Variants in CD1B observed in about 807,000 individuals in gnomAD.
CD1B encodes the protein CD1b molecule, also known as T-cell surface glycoprotein CD1b.
Under a neutral mutation model 39.8 loss-of-function variants are expected in CD1B, and 43 were observed. The observed-to-expected ratio is 1.08, with a 90% CI of 0.85 to 1.39. The LOEUF is 1.39. CD1B is among the 40% of genes most tolerant of loss of function. CD1B has a pLI of 0.00. For missense variants in CD1B, 495 were observed against 403.8 expected, an observed-to-expected ratio of 1.23 and a Z score of -1.94; for synonymous variants, 192 against 152.5, an observed-to-expected ratio of 1.26 and a Z score of -1.91.
the CD1B span, chr1:158,291,240 T>C: frequency 6.2e-7 from 1 of 1,614,178 alleles, no homozygotes; most frequent in African/African-American, 1.3e-5. Context: ...TGCAGACTCA[T>C]GGCTGGGACA....
At chr1:158,296,468 C>T in the CD1B span, among the ~76,000 whole-genome samples, 3 of 152,160 alleles carry the variant, frequency 2.0e-5, no homozygotes, top group Admixed American at 2.0e-4. Context: ...CAACTTTAAA[C>T]GTTTAAGGAA....
chr1:158,321,193 G>C, the CD1B span, among the ~76,000 whole-genome samples: 2 of 152,006 alleles, frequency 1.3e-5, no homozygotes, highest in Non-Finnish European at 2.9e-5. Context: ...TCAATTGTTG[G>C]GTACATGCAT....
At chr1:158,302,651 T>A in the CD1B span, among the ~76,000 whole-genome samples, 1 of 152,168 alleles carries the variant, frequency 6.6e-6, no homozygotes, top group African/African-American at 2.4e-5. Flanking sequence ...GATACTGTTA[T>A]GAACACCTCT....
Position 158,331,381 on chromosome 1 carries a change from C to T in CD1B, c.43G>A (p.Gly15Ser). 6.2e-7 allele frequency: 1 copy of T among 1,614,014 alleles called. No homozygotes were observed. The change falls in exon 1 of 6, where the codon GGT (glycine) becomes AGT (serine). Residue 15 changes from glycine (G) to serine (S), a missense_variant. Transcript: ENST00000368168. The stretch of plus-strand genomic sequence containing the variant: ...CTCTTACCATGTTCACTGTTACCAC[C>T]AGGAAAGAGAACAGCTAACAGTTGA... The part of the protein sequence containing the change: ...PFQLLAVLFP[G>S]GNSEHAFQGP...
the CD1B span, among the ~76,000 whole-genome samples, chr1:158,296,764 T>G: frequency 6.6e-6 from 1 of 152,222 alleles, no homozygotes; most frequent in East Asian, 1.9e-4. Flanking sequence ...TAAGCTGATT[T>G]GACAGAGCTA....
At chr1:158,324,172 A>T (rs979920653), downstream of CD1B, among the ~76,000 whole-genome samples, 1 of 152,214 alleles carries the variant, frequency 6.6e-6, no homozygotes, top group Admixed American at 6.5e-5. Flanking sequence ...TTTTGGTTCA[A>T]GACTCAAGAC....
the CD1B span, chr1:158,291,388 G>T: frequency 1.4e-5 from 22 of 1,613,476 alleles, no homozygotes; most frequent in Non-Finnish European, 1.7e-5. Flanking sequence ...TGCAAGTCAA[G>T]ATTACTCGAA....
chr1:158,296,709 A>G, the CD1B span, among the ~76,000 whole-genome samples: 1 of 152,240 alleles, frequency 6.6e-6, no homozygotes, highest in East Asian at 1.9e-4. Context: ...ATCCAGTAAA[A>G]TAATACAATA....
the CD1B span, among the ~76,000 whole-genome samples, chr1:158,308,053 T>C: frequency 6.6e-6 from 1 of 152,164 alleles, no homozygotes; most frequent in Non-Finnish European, 1.5e-5. Flanking sequence ...TTGTCCCTGT[T>C]TGCAGATGAC....
At chr1:158,320,581 C>A in the CD1B span, among the ~76,000 whole-genome samples, 2 of 152,112 alleles carry the variant, frequency 1.3e-5, no homozygotes, top group Admixed American at 1.3e-4. Context: ...TGAGACGAAC[C>A]CGGTACCTCA....
rs1362925690 is a variant in CD1B at position 158,329,554 on chromosome 1, C to T, written c.702G>A (p.Val234=). The T allele has an allele frequency of 6.2e-7, 1 of 1,614,106 alleles. No individual in the cohort carries two copies. Among genetic ancestry groups the T allele is most frequent in the South Asian group, 1.1e-5 (1 of 91,086 alleles). ...GCTCACCCCGCATCCACATCACCCA[C>T]ACGGGCTTTGGGTAGAATCCTGAGA... ...CHVSGFYPKP[V]WVMWMRGEQE... The change falls in exon 4 of 6, where the codon GTG becomes GTA. Residue 234 remains valine, a synonymous_variant. Coordinates refer to ENST00000368168, the MANE Select transcript of CD1B (RefSeq NM_001764.3).
chr1:158,291,640 AC>A, the CD1B span, among the ~76,000 whole-genome samples: 1 of 151,952 alleles, frequency 6.6e-6, no homozygotes, highest in Non-Finnish European at 1.5e-5. Flanking sequence ...TCTGTATCCT[AC>A]AATCCAGAGA....
At chr1:158,328,510 C>T (rs887049715) in intron 5 of CD1B, among the ~76,000 whole-genome samples, 6 of 152,162 alleles carry the variant, frequency 3.9e-5, no homozygotes, top group African/African-American at 1.4e-4. Flanking sequence ...CAAATATTTA[C>T]AATTCCACTT....
At chr1:158,324,950 G>A (rs983206915), downstream of CD1B, among the ~76,000 whole-genome samples, 2 of 152,026 alleles carry the variant, frequency 1.3e-5, no homozygotes, top group African/African-American at 4.8e-5. Flanking sequence ...ATAGATACAA[G>A]CATTTCAAAT....
the CD1B span, among the ~76,000 whole-genome samples, chr1:158,317,231 G>T: frequency 2.0e-5 from 3 of 151,912 alleles, no homozygotes; most frequent in Non-Finnish European, 2.9e-5. Context: ...AGTTTCAGAA[G>T]GAATGGTACC....
the CD1B span, among the ~76,000 whole-genome samples, chr1:158,320,041 T>A: frequency 6.6e-6 from 1 of 152,260 alleles, no homozygotes; most frequent in East Asian, 1.9e-4. Flanking sequence ...AGCTGCGTAC[T>A]GGGAGAACCA....
At chr1:158,316,722 C>T in the CD1B span, among the ~76,000 whole-genome samples, 27 of 151,116 alleles carry the variant, frequency 1.8e-4, no homozygotes, top group Non-Finnish European at 2.8e-4. Flanking sequence ...GAGAGGGCAT[C>T]CTTGTCTTGT....
chr1:158,329,444 T>A lies in CD1B; in HGVS notation c.812A>T (p.Asp271Val), dbSNP rs771494862. ...WYLRATLDVADGEAAGLSCRV... is the reference protein window; with the variant it reads ...WYLRATLDVAVGEAAGLSCRV... Reference sequence around the variant, plus strand: ...ACAGGACAGGCCAGCCGCCTCCCCATCTGCCACATCCAGGGTTGCTCGGAG... The same window carrying A: ...ACAGGACAGGCCAGCCGCCTCCCCAACTGCCACATCCAGGGTTGCTCGGAG... Residue 271 changes from aspartate (D) to valine (V), a missense_variant, in exon 4 of 6, where the codon GAT (aspartate) becomes GTT (valine). Physicochemically the swap from Asp to Val is radical, Grantham distance 152. Transcript: ENST00000368168. 6.2e-7 allele frequency: 1 copy of A among 1,614,162 alleles called. No homozygotes were observed. Among genetic ancestry groups the A allele is most frequent in the South Asian group, 1.1e-5 (1 of 91,084 alleles).
intron 2 of CD1B, chr1:158,330,523 C>T (rs930470574): frequency 3.2e-6 from 2 of 634,822 alleles, no homozygotes; most frequent in African/African-American, 1.8e-5. Context: ...GAAGTAAGGG[C>T]CCTTGAGGAG....
Sources: gnomAD v4.1 joint callset for allele counts (sites outside exome capture counted in the v4.1 genomes callset) on GRCh38, gnomAD v4.1.1 for gene constraint, MANE v1.5 for transcripts, NCBI Gene and HGNC (gene_info 2026-07-23, HGNC 2026-07-21) for gene names.